Variants in BPTF observed in about 807,000 individuals in gnomAD.
BPTF encodes bromodomain PHD finger transcription factor.
Under a neutral mutation model 292.5 loss-of-function variants are expected in BPTF, and 18 were observed. The observed-to-expected ratio is 0.06, with a 90% CI of 0.04 to 0.09. BPTF has a LOEUF of 0.09. Among genes scored for constraint, BPTF ranks in the 10% least tolerant of loss-of-function variants. The probability of loss-of-function intolerance (pLI) is 1.00; values close to 1 mark genes in which losing one functional copy is unlikely to be tolerated. For synonymous variants in BPTF, 1,225 were observed against 1,251.9 expected (o/e 0.98, Z 0.45); for missense variants, 2,726 against 3,498.7 (o/e 0.78, Z 5.57).
chr17:67,921,784 C>T (rs536729282), intron 13 of BPTF, among the ~76,000 whole-genome samples: 4 of 152,180 alleles, frequency 2.6e-5, no homozygotes, highest in East Asian at 1.9e-4. Flanking sequence ...GTAATTCCAG[C>T]GCTTTGGGAG....
At chr17:67,894,806 G>A (rs1201167157) in intron 7 of BPTF, among the ~76,000 whole-genome samples, 4 of 152,162 alleles carry the variant, frequency 2.6e-5, no homozygotes. Flanking sequence ...ATTTACATCT[G>A]TTTTTAAAGT....
At chr17:67,945,108 T>C (rs1555673759) in intron 20 of BPTF, among the ~76,000 whole-genome samples, 3 of 152,344 alleles carry the variant, frequency 2.0e-5, no homozygotes, top group African/African-American at 7.2e-5. Context: ...CCATTACTGC[T>C]TACTGTAGCC....
chr17:67,941,820 A>G (rs1485242861), intron 19 of BPTF, among the ~76,000 whole-genome samples: 2 of 152,246 alleles, frequency 1.3e-5, no homozygotes, highest in African/African-American at 4.8e-5. Flanking sequence ...AATGCTAACC[A>G]TAAATGAAAA....
chr17:67,911,618 T>G lies in BPTF; in HGVS notation c.3734T>G (p.Ile1245Ser), dbSNP rs764758708. 1.9e-6 allele frequency: 3 copies of G among 1,614,174 alleles called. No homozygotes were observed. Among genetic ancestry groups the G allele is most frequent in the Non-Finnish European group, 2.5e-6 (3 of 1,180,028 alleles). ...CTCATACAGGAGGAAAGTGACACCA[T>G]TGTTTCTTCTTCCAAGAGTGCTTTA... ...KPLIQEESDT[I>S]VSSSKSALHS... is the part of the protein sequence containing the mutation. Residue 1245 changes from isoleucine (I) to serine (S), a missense_variant, in exon 11 of 28, where the codon ATT becomes AGT. This residue lies in a region of BPTF where 713 missense variants were observed against 714.9 expected (regional missense o/e 1.00). Transcript: ENST00000306378.
chr17:67,917,172 G>A (rs527783660), intron 11 of BPTF, among the ~76,000 whole-genome samples: 4 of 106,984 alleles, frequency 3.7e-5, no homozygotes, highest in South Asian at 3.1e-4. Context: ...TCACACTGCC[G>A]CCCGAGGTGG....
intron 9 of BPTF, 66 bp from the exon 10 acceptor site, chr17:67,909,516 A>G: frequency 9.5e-7 from 1 of 1,053,372 alleles, no homozygotes; most frequent in Non-Finnish European, 1.3e-6. Context: ...TTTTCACTAA[A>G]CTTGACATAT....
intron 7 of BPTF, among the ~76,000 whole-genome samples, chr17:67,895,994 C>T (rs1190637289): frequency 4.8e-5 from 7 of 147,098 alleles, no homozygotes; most frequent in African/African-American, 1.8e-4. Context: ...GACGGAGTCT[C>T]GCTCTGTCAC....
At chr17:67,937,472 G>C (rs1013976963) in intron 18 of BPTF, among the ~76,000 whole-genome samples, 1 of 152,104 alleles carries the variant, frequency 6.6e-6, no homozygotes, top group Admixed American at 6.6e-5. Flanking sequence ...TTGCAGGGAG[G>C]GTTGAAATTT....
chr17:67,927,019 T>C (rs567561476), intron 15 of BPTF, among the ~76,000 whole-genome samples: 31 of 152,286 alleles, frequency 2.0e-4, no homozygotes, highest in Non-Finnish European at 4.3e-4. Flanking sequence ...TAAAGTACTT[T>C]ATATTATATT....
At chr17:67,907,848 C>G (rs758958385) in intron 9 of BPTF, among the ~76,000 whole-genome samples, 3 of 152,186 alleles carry the variant, frequency 2.0e-5, no homozygotes, top group Admixed American at 2.0e-4. Flanking sequence ...ATCTGATTCT[C>G]AGTCCATATT....
At chr17:67,960,143 C>T in intron 24 of BPTF, 2 of 325,128 alleles carry the variant, frequency 6.2e-6, no homozygotes, top group South Asian at 4.9e-5. Flanking sequence ...CTCTTCTTCC[C>T]TCTGAATTAA....
At chr17:67,877,776 G>A (rs1368497407) in intron 4 of BPTF, among the ~76,000 whole-genome samples, 1 of 152,048 alleles carries the variant, frequency 6.6e-6, no homozygotes, top group East Asian at 1.9e-4. Flanking sequence ...GCACCACCAT[G>A]CCCAGCTTAT....
chr17:67,944,994 C>G (rs901899470), intron 20 of BPTF, among the ~76,000 whole-genome samples: 30 of 152,096 alleles, frequency 2.0e-4, no homozygotes, highest in African/African-American at 7.2e-4. Flanking sequence ...ATTTCAAAGG[C>G]ATAGACCTTC....
At position 67,903,946 on chromosome 17, in the gene BPTF, A is replaced by G. The variant is rs200727803; in HGVS notation, c.2673+28A>G. 1.9e-4 allele frequency: 295 copies of G among 1,551,400 alleles called. 1 individual carries two copies. The highest frequency in any genetic ancestry group is 1.7e-5 in the Non-Finnish European group (20 of 1,157,168). ...AATTTTTACAACAACCCTTTAAAAT[A>G]GTGTTAGCCATTTCTGAGACTTTTA... is the stretch of plus-strand genomic sequence containing the variant. On this transcript the variant is annotated intron_variant, in intron 8 of 27. Coordinates refer to ENST00000306378, the MANE Select transcript of BPTF (RefSeq NM_182641.4).
At chr17:67,856,106 C>T (rs1320424781) in intron 2 of BPTF, among the ~76,000 whole-genome samples, 2 of 152,156 alleles carry the variant, frequency 1.3e-5, no homozygotes, top group Non-Finnish European at 2.9e-5. Context: ...TTTTATTGAA[C>T]GTTGGACTTC....
At position 67,908,010 on chromosome 17, in the gene BPTF, T is replaced by C. The variant is rs151029781; in HGVS notation, c.2813-1572T>C. ...TTGAAATAGATTACAAAAGTTTATA[T>C]ACATACTTTTTTCCTTGGTAGAGGA... On this transcript the variant is annotated intron_variant, in intron 9 of 27. Transcript: ENST00000306378. 1.6e-3 allele frequency among the ~76,000 whole-genome samples: 247 copies of C among 152,344 alleles called. 2 individuals are homozygous for C. Among genetic ancestry groups the C allele is most frequent in the African/African-American group, 5.7e-3 (236 of 41,580 alleles).
chr17:67,938,698 G>A (rs2065123001), intron 18 of BPTF, among the ~76,000 whole-genome samples: 1 of 152,136 alleles, frequency 6.6e-6, no homozygotes, highest in Admixed American at 6.6e-5. Flanking sequence ...TCTGATGAGA[G>A]AATACAAGAG....
chr17:67,832,741 C>G (rs1222261243), intron 1 of BPTF, among the ~76,000 whole-genome samples: 2 of 151,508 alleles, frequency 1.3e-5, no homozygotes, highest in African/African-American at 2.4e-5. Flanking sequence ...CTGCTCATCC[C>G]TGGCAGCCAC....
intron 1 of BPTF, among the ~76,000 whole-genome samples, chr17:67,836,607 T>C (rs73350829): frequency 0.021 from 3,232 of 152,274 alleles, 122 homozygotes; most frequent in African/African-American, 0.074. Context: ...AACTTATTCA[T>C]AGAGCCTCAA....
Sources: allele counts gnomAD v4.1 joint callset (sites outside exome capture counted in the v4.1 genomes callset), GRCh38; gene constraint gnomAD v4.1.1; regional missense constraint gnomAD v4.1.1; transcripts MANE v1.5; gene names NCBI Gene and HGNC (gene_info 2026-07-23, HGNC 2026-07-21).